Variants in ARHGEF10 observed in about 807,000 individuals in gnomAD.
ARHGEF10 encodes Rho guanine nucleotide exchange factor (GEF) 10.
Under a neutral mutation model 147.4 loss-of-function variants are expected in ARHGEF10, and 140 were observed. That is an observed-to-expected ratio of 0.95 (90% CI 0.83 to 1.09). ARHGEF10 has a LOEUF of 1.09. Ranked by LOEUF, ARHGEF10 falls within the 50% of genes least tolerant of loss-of-function variation. The pLI is 0.00. For missense variants in ARHGEF10, 2,222 were observed against 1,752.7 expected (o/e 1.27, Z -4.78); for synonymous variants, 902 against 695.8 (o/e 1.30, Z -4.67).
intron 26 of ARHGEF10, among the ~76,000 whole-genome samples, chr8:1,936,518 A>G (rs1041354012): frequency 1.3e-5 from 2 of 152,174 alleles, no homozygotes; most frequent in African/African-American, 4.8e-5. Flanking sequence ...TCAAAAAAAA[A>G]ATTCCTTTGA....
chr8:1,830,962 G>A (rs1399559170), intron 1 of ARHGEF10, among the ~76,000 whole-genome samples: 1 of 152,270 alleles, frequency 6.6e-6, no homozygotes, highest in Non-Finnish European at 1.5e-5. Flanking sequence ...GCGGCCCTGA[G>A]GTGGTGCACC....
intron 1 of ARHGEF10, among the ~76,000 whole-genome samples, chr8:1,835,211 G>A (rs1803508154): frequency 6.6e-6 from 1 of 152,226 alleles, no homozygotes; most frequent in East Asian, 1.9e-4. Context: ...ACCGACCAGG[G>A]GGCCCAGGAT....
intron 18 of ARHGEF10, among the ~76,000 whole-genome samples, chr8:1,914,159 C>G (rs1362430550): frequency 6.6e-6 from 1 of 152,242 alleles, no homozygotes; most frequent in Non-Finnish European, 1.5e-5. Flanking sequence ...CCGAAGGAAG[C>G]TTGAACAGCT....
intron 10 of ARHGEF10, among the ~76,000 whole-genome samples, chr8:1,884,348 A>G (rs954651694): frequency 2.0e-5 from 3 of 151,324 alleles, no homozygotes; most frequent in Admixed American, 2.0e-4. Flanking sequence ...GTGAGCCGAG[A>G]TTGCGCCACT....
At chr8:1,826,058 T>C (rs1458607289) in intron 1 of ARHGEF10, 5 of 1,561,456 alleles carry the variant, frequency 3.2e-6, no homozygotes, top group Admixed American at 1.8e-5. Context: ...ATTTATTTGC[T>C]GGCTTTAGCA....
intron 1 of ARHGEF10, among the ~76,000 whole-genome samples, chr8:1,840,084 T>C (rs1485669394): frequency 1.5e-5 from 2 of 133,316 alleles, no homozygotes; most frequent in African/African-American, 6.1e-5. Context: ...CTGTCTGGTG[T>C]GGGGACTGTC....
At chr8:1,886,282 G>T (rs7387660) in intron 11 of ARHGEF10, among the ~76,000 whole-genome samples, 34,340 of 152,082 alleles carry the variant, frequency 0.23, 4,390 homozygotes, top group East Asian at 0.4. Flanking sequence ...AGCAGCAGGG[G>T]CTGATACTTT....
chr8:1,946,246 C>A (rs1239522493), intron 27 of ARHGEF10, among the ~76,000 whole-genome samples: 1 of 152,116 alleles, frequency 6.6e-6, no homozygotes, highest in Non-Finnish European at 1.5e-5. Flanking sequence ...GCTGTGGGGT[C>A]CGTGGAAGGG....
chr8:1,886,526 C>T (rs1414298011), intron 11 of ARHGEF10, among the ~76,000 whole-genome samples: 1 of 152,200 alleles, frequency 6.6e-6, no homozygotes, highest in Admixed American at 6.5e-5. Flanking sequence ...CATAATTGAC[C>T]AGGCTGAAAT....
At chr8:1,855,310 G>A (rs1487030757) in intron 2 of ARHGEF10, among the ~76,000 whole-genome samples, 1 of 152,216 alleles carries the variant, frequency 6.6e-6, no homozygotes, top group Non-Finnish European at 1.5e-5. Context: ...AAAATCTAGT[G>A]TGATTGTGTC....
chr8:1,939,860 G>A (rs757009926), intron 26 of ARHGEF10, among the ~76,000 whole-genome samples: 2 of 152,222 alleles, frequency 1.3e-5, no homozygotes, highest in Non-Finnish European at 2.9e-5. Context: ...GCCGCTGAAG[G>A]TAGCCAGCAG....
intron 1 of ARHGEF10, among the ~76,000 whole-genome samples, chr8:1,841,314 C>T (rs1385048850): frequency 2.0e-5 from 3 of 152,204 alleles, no homozygotes; most frequent in Non-Finnish European, 4.4e-5. Context: ...GGCCTGCAGC[C>T]CAGGAGCCTG....
chr8:1,943,799 A>G (rs925434025), intron 26 of ARHGEF10: 2 of 152,232 alleles, frequency 1.3e-5, no homozygotes, highest in African/African-American at 4.8e-5. Context: ...CTACGGGCAT[A>G]TGGCGAGAGG....
At chr8:1,939,643 G>A (rs1813918327) in intron 26 of ARHGEF10, among the ~76,000 whole-genome samples, 1 of 152,236 alleles carries the variant, frequency 6.6e-6, no homozygotes, top group Admixed American at 6.5e-5. Flanking sequence ...GCTGGTCGAG[G>A]GTGAGGAGGG....
chr8:1,878,073 C>T (rs1425075538), intron 8 of ARHGEF10, among the ~76,000 whole-genome samples: 3 of 152,242 alleles, frequency 2.0e-5, no homozygotes, highest in South Asian at 2.1e-4. Flanking sequence ...TAGATCTTGG[C>T]AGTCAGCTCA....
intron 7 of ARHGEF10, among the ~76,000 whole-genome samples, chr8:1,873,728 G>C (rs990005484): frequency 2.0e-5 from 3 of 147,938 alleles, no homozygotes; most frequent in Non-Finnish European, 4.5e-5. Context: ...GCATTTCCTA[G>C]TTGCCTTGAG....
At chr8:1,933,515 A>G (rs1484222180) in intron 25 of ARHGEF10, among the ~76,000 whole-genome samples, 1 of 116,766 alleles carries the variant, frequency 8.6e-6, no homozygotes, top group Non-Finnish European at 1.7e-5. Context: ...AGGGTGAATG[A>G]GTGGTTTGTC....
chr8:1,847,280 A>G (rs1300367796), intron 2 of ARHGEF10, among the ~76,000 whole-genome samples: 1 of 152,150 alleles, frequency 6.6e-6, no homozygotes, highest in Non-Finnish European at 1.5e-5. Context: ...CCCTCTCATA[A>G]GTTTGGGGAG....
chr8:1,872,469 T>G (rs1274967011), intron 7 of ARHGEF10, among the ~76,000 whole-genome samples: 1 of 152,206 alleles, frequency 6.6e-6, no homozygotes, highest in Non-Finnish European at 1.5e-5. Context: ...ATGCTACATT[T>G]CCTTCCAGAA....
Sources: allele counts gnomAD v4.1 joint callset (sites outside exome capture counted in the v4.1 genomes callset), GRCh38; gene constraint gnomAD v4.1.1; transcripts MANE v1.5; gene names NCBI Gene and HGNC (gene_info 2026-07-23, HGNC 2026-07-21).